Variants in MYRIP observed in about 807,000 individuals in gnomAD.
MYRIP encodes myosin VIIA and Rab interacting protein.
In MYRIP, 49 loss-of-function variants were observed where a neutral mutation model predicts 98.0. The ratio of observed to expected loss-of-function variants is 0.50; its 90% CI spans 0.40 to 0.63. The LOEUF is 0.63. Among genes scored for constraint, MYRIP ranks in the 30% least tolerant of loss-of-function variants. The pLI is 0.00. For synonymous variants in MYRIP, 404 were observed against 409.5 expected (o/e 0.99, Z 0.16); for missense variants, 1,004 against 1,058.2 (o/e 0.95, Z 0.71).
At chr3:40,061,394 T>C (rs1374066171) in intron 3 of MYRIP, among the ~76,000 whole-genome samples, 1 of 152,252 alleles carries the variant, frequency 6.6e-6, no homozygotes, top group African/African-American at 2.4e-5. Flanking sequence ...TCCACTCATG[T>C]TCCCATAAAA....
In MYRIP at chr3:40,199,599, A is replaced by G. The variant is rs114765849; in HGVS notation, c.1665+9136A>G. On this transcript the variant is annotated intron_variant, in intron 10 of 16. Coordinates refer to ENST00000302541, the MANE Select transcript of MYRIP (RefSeq NM_015460.4). Reference sequence around the variant, plus strand: ...GGTTCGCCTGCCTCTGAAGTGTACCAAGACAATATCCCCAGGCAAGGCCTT... The same window carrying G: ...GGTTCGCCTGCCTCTGAAGTGTACCGAGACAATATCCCCAGGCAAGGCCTT... Among the ~76,000 whole-genome samples the G allele has an allele frequency of 8.4e-3, 1,279 of 152,296 alleles. 23 individuals are homozygous for G. The highest frequency in any genetic ancestry group is 0.029 in the African/African-American group (1,204 of 41,550).
intron 2 of MYRIP, among the ~76,000 whole-genome samples, chr3:39,977,869 A>G (rs1420416865): frequency 6.6e-6 from 1 of 152,144 alleles, no homozygotes; most frequent in Non-Finnish European, 1.5e-5. Context: ...CTTGCAATAT[A>G]AGGGTCAGCT....
At chr3:40,160,958 G>A (rs541165996) in intron 4 of MYRIP, among the ~76,000 whole-genome samples, 46 of 152,136 alleles carry the variant, frequency 3.0e-4, no homozygotes, top group Non-Finnish European at 5.7e-4. Context: ...GAAATCACCC[G>A]TCTTCTGCGT....
At chr3:40,071,424 T>C (rs1176130319) in intron 3 of MYRIP, among the ~76,000 whole-genome samples, 1 of 152,088 alleles carries the variant, frequency 6.6e-6, no homozygotes, top group Non-Finnish European at 1.5e-5. Flanking sequence ...AGTTTGACCA[T>C]AGAGAATGGG....
At chr3:40,069,287 G>A (rs1045223856) in intron 3 of MYRIP, among the ~76,000 whole-genome samples, 4 of 151,900 alleles carry the variant, frequency 2.6e-5, no homozygotes, top group Admixed American at 6.6e-5. Flanking sequence ...TACTGTCATT[G>A]TATTTACTAT....
rs1230124433 is a variant in MYRIP at position 39,895,879 on chromosome 3, C to A, written c.-30-4908C>A. Reference sequence around the variant, plus strand: ...AGTCACCAGCTTAGAACAGGTCAGGCCAGAAAGTCCTGAGAAAAACTCGTG... The same window carrying A: ...AGTCACCAGCTTAGAACAGGTCAGGACAGAAAGTCCTGAGAAAAACTCGTG... On this transcript the variant is annotated intron_variant, in intron 1 of 16. Transcript: ENST00000302541. Among the ~76,000 whole-genome samples, 3 of 151,614 alleles carry A rather than the reference C, an allele frequency of 2.0e-5. No individual in the cohort carries two copies. The East Asian group carries it at 5.8e-4, about 30-fold the overall frequency.
chr3:40,003,563 A>C (rs1249498817), intron 2 of MYRIP, among the ~76,000 whole-genome samples: 2 of 152,144 alleles, frequency 1.3e-5, no homozygotes, highest in South Asian at 2.1e-4. Context: ...CTCTGGATGA[A>C]GTGTTGTAGG....
At chr3:39,901,065 G>A (rs1298450629) in intron 2 of MYRIP, 139 bp downstream of exon 2, 2 of 622,898 alleles carry the variant, frequency 3.2e-6, no homozygotes, top group Non-Finnish European at 5.5e-6. Flanking sequence ...GTCCTTTGTA[G>A]AAAGGTTTGC....
chr3:40,151,017 AT>A (rs763815236), intron 3 of MYRIP, 30 bp from the exon 4 acceptor site: 2 of 1,518,112 alleles, frequency 1.3e-6, no homozygotes, highest in East Asian at 2.4e-5. Context: ...AATAATTCTA[AT>A]TTTGTGTTGT....
intron 12 of MYRIP, among the ~76,000 whole-genome samples, chr3:40,234,705 C>A (rs1952775350): frequency 6.6e-6 from 1 of 152,090 alleles, no homozygotes; most frequent in African/African-American, 2.4e-5. Flanking sequence ...AAGATACCAA[C>A]AAAATCTGGC....
At chr3:40,088,922 AT>A (rs1270700157) in intron 3 of MYRIP, among the ~76,000 whole-genome samples, 7 of 151,842 alleles carry the variant, frequency 4.6e-5, no homozygotes, top group Admixed American at 2.0e-4. Flanking sequence ...ATGGCAGGGG[AT>A]GAGGACTTGG....
intron 11 of MYRIP, among the ~76,000 whole-genome samples, chr3:40,225,830 T>C (rs2679822): frequency 0.78 from 118,858 of 152,118 alleles, 49,440 homozygotes; most frequent in Non-Finnish European, 0.91. Flanking sequence ...CATGGCCACA[T>C]ATTTATTTTA....
intron 3 of MYRIP, among the ~76,000 whole-genome samples, chr3:40,119,763 T>C (rs1949360093): frequency 6.6e-6 from 1 of 151,804 alleles, no homozygotes; most frequent in South Asian, 2.1e-4. Context: ...CTGGGGACTG[T>C]TGTGGGGTGG....
intron 2 of MYRIP, among the ~76,000 whole-genome samples, chr3:39,988,422 G>T (rs1575441065): frequency 6.6e-6 from 1 of 152,238 alleles, no homozygotes; most frequent in East Asian, 1.9e-4. Flanking sequence ...AGGTGACCTG[G>T]TCTTTCTCTC....
chr3:40,159,634 A>G (rs1364457203), intron 4 of MYRIP, among the ~76,000 whole-genome samples: 1 of 152,072 alleles, frequency 6.6e-6, no homozygotes, highest in African/African-American at 2.4e-5. Context: ...AGGTACACCA[A>G]TCAGACGTAG....
rs150034267 is a variant in MYRIP, at chr3:39,997,835, C to T, written c.111-46215C>T. ...GCAGCACGTCAAAAAGCTTATCCAC[C>T]GTGATCAAGTGGGCTTCATCCCTGC... On this transcript the variant is annotated intron_variant, in intron 2 of 16. Transcript: ENST00000302541. 1.3e-3 allele frequency among the ~76,000 whole-genome samples: 198 copies of T among 152,284 alleles called. 2 individuals are homozygous for T. The East Asian group carries it at 0.035, about 27-fold the overall frequency.
intron 12 of MYRIP, chr3:40,238,809 G>T (rs961474935): frequency 1.3e-5 from 2 of 152,136 alleles, no homozygotes; most frequent in Non-Finnish European, 2.9e-5. Flanking sequence ...AGCTACATAA[G>T]ATAAAGAAAC....
chr3:40,049,263 C>T (rs139204065), intron 3 of MYRIP, among the ~76,000 whole-genome samples: 2 of 152,148 alleles, frequency 1.3e-5, no homozygotes, highest in East Asian at 1.9e-4. Context: ...GGCAACCCTG[C>T]ATTGAGCAAG....
chr3:39,975,515 A>G (rs1945725269), intron 2 of MYRIP, among the ~76,000 whole-genome samples: 2 of 151,844 alleles, frequency 1.3e-5, no homozygotes, highest in African/African-American at 2.4e-5. Flanking sequence ...TCAAGCTACC[A>G]ATGACTTTCT....
Sources: allele counts gnomAD v4.1 joint callset (sites outside exome capture counted in the v4.1 genomes callset), GRCh38; gene constraint gnomAD v4.1.1; transcripts MANE v1.5; gene names NCBI Gene and HGNC (gene_info 2026-07-23, HGNC 2026-07-21).